Variants in PALS2 observed in about 807,000 individuals in gnomAD.
The protein encoded by PALS2 is protein PALS2.
In PALS2, 27 loss-of-function variants were observed where a neutral mutation model predicts 61.6. The ratio of observed to expected loss-of-function variants is 0.44; its 90% CI spans 0.32 to 0.60. The LOEUF (loss-of-function observed/expected upper bound fraction) is 0.60. PALS2 is among the 20% of genes least tolerant of loss of function. PALS2 has a pLI of 0.05. For missense variants in PALS2, 554 were observed against 639.4 expected, an observed-to-expected ratio of 0.87 and a Z score of 1.44; for synonymous variants, 236 against 218.6, an observed-to-expected ratio of 1.08 and a Z score of -0.70.
At chr7:24,648,789 C>T (rs910509004) in intron 3 of PALS2, among the ~76,000 whole-genome samples, 21 of 151,444 alleles carry the variant, frequency 1.4e-4, no homozygotes, top group Non-Finnish European at 3.1e-4. Flanking sequence ...CCTGTAGTCC[C>T]AGCTACTTGG....
intron 11 of PALS2, among the ~76,000 whole-genome samples, chr7:24,683,825 A>T (rs955829876): frequency 6.6e-6 from 1 of 152,218 alleles, no homozygotes; most frequent in Admixed American, 6.5e-5. Flanking sequence ...ATATTTTCCA[A>T]TCAAATTCAA....
chr7:24,658,033 G>T (rs1245447088), intron 5 of PALS2, among the ~76,000 whole-genome samples: 1 of 151,884 alleles, frequency 6.6e-6, no homozygotes, highest in Non-Finnish European at 1.5e-5. Flanking sequence ...TGTTTCTCCT[G>T]TCCTTTGGTG....
At position 24,596,075 on chromosome 7, in the gene PALS2, A is replaced by C. The variant is rs1358617547; in HGVS notation, c.-3+22482A>C. Among the ~76,000 whole-genome samples, 1 of 152,116 alleles carries C rather than the reference A, an allele frequency of 6.6e-6. No homozygotes were observed. Among genetic ancestry groups the C allele is most frequent in the Non-Finnish European group, 1.5e-5 (1 of 68,016 alleles). On this transcript the variant is annotated intron_variant, in intron 1 of 11. Transcript: ENST00000222644. This position sits in a 1 kb window ranked among gnomAD's most constrained non-coding sequence, Gnocchi z 4.5. ...AGCGGCCATGGTCAAGAGTGTGGCT[A>C]GTTTTCTAAGTACAGTGGGAAGCCT...
intron 2 of PALS2, among the ~76,000 whole-genome samples, chr7:24,630,290 T>G (rs1784941903): frequency 6.6e-6 from 1 of 151,790 alleles, no homozygotes; most frequent in African/African-American, 2.4e-5. Context: ...GAAGAACATA[T>G]GGACACAGGG....
rs188203039 is a variant in PALS2 at position 24,591,600 on chromosome 7, A to G, written c.-3+18007A>G. On this transcript the variant is annotated intron_variant, in intron 1 of 11. Coordinates refer to ENST00000222644, the MANE Select transcript of PALS2 (RefSeq NM_001303037.2). ...GTTAGAGATAGACATGTAAATTAAA[A>G]TAGTTCTCATTATTCAAGATAGTTA... Among the ~76,000 whole-genome samples, 14 of 152,290 alleles carry G rather than the reference A, an allele frequency of 9.2e-5. No homozygotes were observed. The South Asian group carries it at 1.2e-3, about 14-fold the overall frequency.
chr7:24,613,786 T>G (rs114266258), intron 1 of PALS2, among the ~76,000 whole-genome samples: 5 of 151,908 alleles, frequency 3.3e-5, no homozygotes, highest in Non-Finnish European at 5.9e-5. Context: ...TGTTCTACTT[T>G]CTACTTCTGT....
chr7:24,624,617 T>G (rs976359942), intron 2 of PALS2, among the ~76,000 whole-genome samples: 3 of 145,054 alleles, frequency 2.1e-5, no homozygotes, highest in Non-Finnish European at 4.5e-5. Flanking sequence ...TTTTTTTTTT[T>G]TTTTTTTGAG....
intron 9 of PALS2, 71 bp from the exon 10 acceptor site, chr7:24,679,060 C>T (rs923752333): frequency 1.4e-6 from 2 of 1,381,898 alleles, no homozygotes; most frequent in Non-Finnish European, 2.0e-6. Context: ...TTAAGCCACC[C>T]TATGTATTTT....
At chr7:24,626,514 C>T (rs945703585) in intron 2 of PALS2, among the ~76,000 whole-genome samples, 2 of 152,062 alleles carry the variant, frequency 1.3e-5, no homozygotes, top group Non-Finnish European at 2.9e-5. Flanking sequence ...ATGACGGGAT[C>T]AGATTCACAC....
At chr7:24,630,571 A>G (rs1177003578) in intron 2 of PALS2, among the ~76,000 whole-genome samples, 3 of 152,236 alleles carry the variant, frequency 2.0e-5, no homozygotes, top group African/African-American at 4.8e-5. Flanking sequence ...TACACTTAAC[A>G]ACAGATTTTC....
intron 9 of PALS2, among the ~76,000 whole-genome samples, chr7:24,676,000 T>G (rs1190657406): frequency 1.3e-5 from 2 of 149,930 alleles, no homozygotes; most frequent in Admixed American, 6.6e-5. Context: ...TAGTTTACAG[T>G]CCCACCAACA....
rs1441827952 is a variant in PALS2 at position 24,665,682 on chromosome 7, A to G, written c.878A>G (p.Asn293Ser). 4.3e-6 allele frequency: 7 copies of G among 1,613,064 alleles called. No individual in the cohort carries two copies. The South Asian group carries it at 5.5e-5, about 13-fold the overall frequency. Reference protein sequence around the residue: ...RKAFVRRDWDNSGPFCGTISS... With the variant: ...RKAFVRRDWDSSGPFCGTISS... ...GCATTTGTTAGAAGAGACTGGGACA[A>G]TTCAGGTGATGAGCTCGACACAATA... is the stretch of plus-strand genomic sequence containing the variant. The change falls in exon 7 of 12, where the codon AAT becomes AGT. Residue 293 changes from asparagine to serine, a missense_variant. Asn to Ser is a conservative substitution (Grantham distance 46). Coordinates refer to ENST00000222644, the MANE Select transcript of PALS2 (RefSeq NM_001303037.2).
rs531418594 is a variant in PALS2 at position 24,619,738 on chromosome 7, A to C, written c.-2-3928A>C. Among the ~76,000 whole-genome samples the C allele has an allele frequency of 3.8e-3, 582 of 151,424 alleles. 3 individuals are homozygous for C. Among genetic ancestry groups the C allele is most frequent in the Middle Eastern group, 0.027 (8 of 292 alleles). On this transcript the variant is annotated intron_variant, in intron 1 of 11. Transcript: ENST00000222644. The stretch of plus-strand genomic sequence containing the variant: ...GTCTCAAAAAAAAAAAAAAAAAAGA[A>C]AGAAAAAAGAATCCCATTTATGTGT...
intron 11 of PALS2, among the ~76,000 whole-genome samples, chr7:24,685,647 GTTT>G (rs34096637): frequency 0.051 from 6,709 of 132,840 alleles, 168 homozygotes; most frequent in Non-Finnish European, 0.061. Context: ...TGTTAACAGG[GTTT>G]TTTTTTTTTT....
intron 1 of PALS2, among the ~76,000 whole-genome samples, chr7:24,575,904 G>T (rs931526926): frequency 1.3e-5 from 2 of 151,978 alleles, no homozygotes; most frequent in African/African-American, 4.8e-5. Context: ...TTCACATTAG[G>T]TATATAATAG....
intron 2 of PALS2, among the ~76,000 whole-genome samples, chr7:24,630,283 G>A (rs1784941362): frequency 6.6e-6 from 1 of 152,040 alleles, no homozygotes. Flanking sequence ...GAACAATGAA[G>A]AACATATGGA....
In PALS2 at chr7:24,573,788, G is replaced by A. The variant is rs1253334477; in HGVS notation, c.-3+195G>A. Among the ~76,000 whole-genome samples the A allele has an allele frequency of 1.4e-5, 2 of 147,790 alleles. No homozygotes were observed. The highest frequency in any genetic ancestry group is 2.0e-4 in the East Asian group (1 of 5,086). ...CGGCGGCGGCGCCGCGGTCGGGGAG[G>A]CTGCTGGCCGCCCCCAGCCCGGCCC... On this transcript the variant is annotated intron_variant, in intron 1 of 11. Coordinates refer to ENST00000222644, the MANE Select transcript of PALS2 (RefSeq NM_001303037.2). This position sits in a 1 kb window ranked among gnomAD's most constrained non-coding sequence, Gnocchi z 5.3.
chr7:24,614,897 AGG>A (rs1157090933), intron 1 of PALS2, among the ~76,000 whole-genome samples: 1 of 151,958 alleles, frequency 6.6e-6, no homozygotes, highest in African/African-American at 2.4e-5. Context: ...ACCATATGTT[AGG>A]GCATACAAGT....
chr7:24,581,565 T>A (rs1421243187), intron 1 of PALS2, among the ~76,000 whole-genome samples: 2 of 152,162 alleles, frequency 1.3e-5, no homozygotes, highest in African/African-American at 4.8e-5. Context: ...AGTCAGTATT[T>A]CTCAATCAGG....
Sources: allele counts gnomAD v4.1 joint callset (sites outside exome capture counted in the v4.1 genomes callset), GRCh38; gene constraint gnomAD v4.1.1; non-coding constraint Gnocchi (gnomAD v3.1); transcripts MANE v1.5; gene names NCBI Gene and HGNC (gene_info 2026-07-23, HGNC 2026-07-21).